Variants in SUSD3 observed in about 807,000 individuals in gnomAD.
SUSD3 encodes the protein sushi domain-containing protein 3.
SUSD3 carries 18 observed loss-of-function variants against 20.6 expected under a neutral mutation model. That is an observed-to-expected ratio of 0.87 (90% confidence interval 0.60 to 1.30). The LOEUF (loss-of-function observed/expected upper bound fraction) is 1.30, where lower values mean the gene tolerates loss of function less well. SUSD3 is among the 50% of genes most tolerant of loss of function. The probability of loss-of-function intolerance (pLI) is 0.00; values close to 1 mark genes in which losing one functional copy is unlikely to be tolerated. For synonymous variants in SUSD3, 137 were observed against 141.5 expected, an observed-to-expected ratio of 0.97 and a Z score of 0.23; for missense variants, 306 against 346.9, an observed-to-expected ratio of 0.88 and a Z score of 0.94.
chr9:93,084,551 G>T lies in SUSD3; in HGVS notation c.572G>T (p.Ser191Ile), dbSNP rs1460342805. ...TCTCTCCACAGAGACCATGGTGAGAGCACCAGCAAGCTGGCCAGTGTGACC... is the reference window on the plus strand; with the variant it reads ...TCTCTCCACAGAGACCATGGTGAGATCACCAGCAAGCTGGCCAGTGTGACC... ...NHSFTTDHGE[S>I]TSKLASVTRS... Residue 191 changes from serine to isoleucine, a missense_variant, in exon 5 of 5, where the codon AGC (serine) becomes ATC (isoleucine). Physicochemically the swap from Ser to Ile is moderately radical, Grantham distance 142. Transcript: ENST00000375472. 2 of 1,594,738 alleles carry T rather than the reference G, an allele frequency of 1.3e-6. No individual in the cohort carries two copies. The highest frequency in any genetic ancestry group is 1.7e-6 in the Non-Finnish European group (2 of 1,170,476).
intron 3 of SUSD3, among the ~76,000 whole-genome samples, chr9:93,078,368 C>T (rs1017892763): frequency 8.5e-5 from 13 of 152,172 alleles, no homozygotes; most frequent in African/African-American, 3.1e-4. Flanking sequence ...AAGCAATTCT[C>T]CTGCCTCAGC....
At chr9:93,065,679 A>G (rs1297634293) in intron 1 of SUSD3, among the ~76,000 whole-genome samples, 1 of 152,230 alleles carries the variant, frequency 6.6e-6, no homozygotes, top group Non-Finnish European at 1.5e-5. Flanking sequence ...GGCCAGAAGG[A>G]CAGTGCATAT....
intron 1 of SUSD3, among the ~76,000 whole-genome samples, chr9:93,064,237 A>G (rs762496458): frequency 5.3e-5 from 8 of 152,300 alleles, no homozygotes; most frequent in East Asian, 1.9e-4. Context: ...TAATAGAGAC[A>G]GGGTTTCACC....
At position 93,079,492 on chromosome 9, in the gene SUSD3, G is replaced by A. The variant is rs1374813371; in HGVS notation, c.447G>A (p.Gln149=). 6.2e-7 allele frequency: 1 copy of A among 1,614,056 alleles called. No individual in the cohort carries two copies. Among genetic ancestry groups the A allele is most frequent in the East Asian group, 2.2e-5 (1 of 44,886 alleles). The part of the protein sequence containing the change: ...RSNRSAQLWS[Q]LKDEDLETVQ... Reference sequence around the variant, plus strand: ...CCAGGTCAGCCCAGCTGTGGTCCCAGCTGAAAGATGAGGACTTGGAGACGG... The same window carrying A: ...CCAGGTCAGCCCAGCTGTGGTCCCAACTGAAAGATGAGGACTTGGAGACGG... Residue 149 remains glutamine (Q), a synonymous_variant, in exon 4 of 5, where the codon CAG becomes CAA. Coordinates refer to ENST00000375472, the MANE Select transcript of SUSD3 (RefSeq NM_145006.4).
At chr9:93,066,771 C>T (rs111525015) in intron 1 of SUSD3, among the ~76,000 whole-genome samples, 4,770 of 151,820 alleles carry the variant, frequency 0.031, 226 homozygotes, top group African/African-American at 0.11. Flanking sequence ...TGCAGTGGCA[C>T]AATCTTGGCT....
intron 2 of SUSD3, among the ~76,000 whole-genome samples, chr9:93,076,680 C>T (rs941429354): frequency 9.2e-5 from 14 of 152,330 alleles, no homozygotes; most frequent in African/African-American, 2.6e-4. Context: ...AGGTGATTCT[C>T]TGAGGATGCG....
chr9:93,060,035 C>T (rs1056122033), intron 1 of SUSD3, among the ~76,000 whole-genome samples: 2 of 152,206 alleles, frequency 1.3e-5, no homozygotes, highest in Admixed American at 1.3e-4. Flanking sequence ...AGCCTGGGGG[C>T]GTGGGTGCCA....
chr9:93,073,528 G>A (rs1001415863), intron 1 of SUSD3, among the ~76,000 whole-genome samples: 6 of 152,086 alleles, frequency 3.9e-5, no homozygotes, highest in Admixed American at 2.0e-4. Context: ...GATTACAGGC[G>A]TGAGCCACCG....
intron 1 of SUSD3, 48 bp from the exon 2 acceptor site, chr9:93,075,736 G>GTCCCCCCCC: frequency 2.6e-5 from 7 of 272,216 alleles, no homozygotes; most frequent in South Asian, 8.7e-5. Flanking sequence ...TGCCCTGCGT[G>GTCCCCCCCC]CCCACCCCCC....
At position 93,075,860 on chromosome 9, in the gene SUSD3, C is replaced by T. The variant is rs774484881; in HGVS notation, c.165C>T (p.Thr55=). The T allele has an allele frequency of 1.2e-5, 20 of 1,613,558 alleles. No individual in the cohort carries two copies. The East Asian group carries it at 2.2e-4, about 18-fold the overall frequency. The stretch of plus-strand genomic sequence containing the variant: ...GTGGCAATGGTGCTTCCGTGGGGAC[C>T]GTGCTCATGTTCCGCTGCCCCTCCA... The part of the protein sequence containing the change: ...VLRGNGASVG[T]VLMFRCPSNH... Residue 55 remains threonine (T), a synonymous_variant, in exon 2 of 5, where the codon ACC becomes ACT. Coordinates refer to ENST00000375472, the MANE Select transcript of SUSD3 (RefSeq NM_145006.4).
chr9:93,078,066 AGT>A, intron 3 of SUSD3, 73 bp downstream of exon 3: 1 of 1,600,522 alleles, frequency 6.2e-7, no homozygotes, highest in Non-Finnish European at 8.5e-7. Flanking sequence ...GAAAGGACAG[AGT>A]GTTTCAAGGG....
chr9:93,073,188 C>T (rs570424685), intron 1 of SUSD3, among the ~76,000 whole-genome samples: 11 of 151,868 alleles, frequency 7.2e-5, no homozygotes, highest in Admixed American at 3.3e-4. Context: ...CTGCTGCCTC[C>T]GGTCAGTCTC....
intron 1 of SUSD3, among the ~76,000 whole-genome samples, chr9:93,074,908 G>A (rs966646324): frequency 1.3e-5 from 2 of 152,046 alleles, no homozygotes; most frequent in African/African-American, 4.8e-5. Context: ...CACCATGCCT[G>A]GCCAGCAGAT....
chr9:93,079,984 T>G (rs897066988), intron 4 of SUSD3, among the ~76,000 whole-genome samples: 1 of 152,126 alleles, frequency 6.6e-6, no homozygotes, highest in Admixed American at 6.5e-5. Context: ...ACACATACAT[T>G]TTTTTGCCCT....
At chr9:93,074,258 G>A (rs971773977) in intron 1 of SUSD3, among the ~76,000 whole-genome samples, 4 of 151,600 alleles carry the variant, frequency 2.6e-5, no homozygotes, top group African/African-American at 7.3e-5. Context: ...GTGAAACCCC[G>A]TCTCTACTAA....
chr9:93,076,259 ATGCTCTCTGAGCC>A, intron 2 of SUSD3, among the ~76,000 whole-genome samples: 1 of 152,352 alleles, frequency 6.6e-6, no homozygotes, highest in Non-Finnish European at 1.5e-5. Context: ...GAGGCTGTGC[ATGCTCTCTGAGCC>A]AGCACGTTTT....
At chr9:93,066,990 G>C (rs1195197944) in intron 1 of SUSD3, among the ~76,000 whole-genome samples, 1 of 152,094 alleles carries the variant, frequency 6.6e-6, no homozygotes, top group East Asian at 1.9e-4. Context: ...TTACAGGTGT[G>C]AGCCACCATA....
intron 2 of SUSD3, among the ~76,000 whole-genome samples, chr9:93,076,877 G>A (rs776819501): frequency 2.0e-5 from 3 of 152,232 alleles, no homozygotes; most frequent in Non-Finnish European, 2.9e-5. Context: ...CAGCAGCTAT[G>A]TTCCAGGCAG....
At chr9:93,076,225 A>G (rs1301402101) in intron 2 of SUSD3, among the ~76,000 whole-genome samples, 2 of 152,178 alleles carry the variant, frequency 1.3e-5, no homozygotes, top group African/African-American at 4.8e-5. Context: ...TGGCTCTGCT[A>G]CCGACTCAGC....
Sources: gnomAD v4.1 joint callset for allele counts (sites outside exome capture counted in the v4.1 genomes callset) on GRCh38, gnomAD v4.1.1 for gene constraint, MANE v1.5 for transcripts, NCBI Gene and HGNC (gene_info 2026-07-23, HGNC 2026-07-21) for gene names.